PAFAH1B1: variants seen among roughly 807,000 people sequenced by gnomAD.
PAFAH1B1 encodes platelet-activating factor acetylhydrolase IB subunit beta.
Under a neutral mutation model 57.5 loss-of-function variants are expected in PAFAH1B1, and 2 were observed. The ratio of observed to expected loss-of-function variants is 0.03; its 90% CI spans 0.01 to 0.11. The LOEUF is 0.11. Ranked by LOEUF, PAFAH1B1 falls within the 10% of genes least tolerant of loss-of-function variation. The probability of loss-of-function intolerance (pLI) is 1.00; values close to 1 mark genes in which losing one functional copy is unlikely to be tolerated. For synonymous variants in PAFAH1B1, 152 were observed against 169.6 expected (o/e 0.90, Z 0.81); for missense variants, 257 against 512.0 (o/e 0.50, Z 4.81).
chr17:2,660,286 G>C (rs1169453312), intron 2 of PAFAH1B1, among the ~76,000 whole-genome samples: 1 of 151,816 alleles, frequency 6.6e-6, no homozygotes. Flanking sequence ...AGAATGTGCA[G>C]GTTTGTTACA....
chr17:2,678,265 G>A (rs1036808862), intron 9 of PAFAH1B1, among the ~76,000 whole-genome samples: 8 of 151,900 alleles, frequency 5.3e-5, no homozygotes, highest in Non-Finnish European at 7.4e-5. Flanking sequence ...GCCAGGCATG[G>A]TGGCACATGC....
chr17:2,646,951 G>T (rs2151641104), intron 2 of PAFAH1B1, among the ~76,000 whole-genome samples: 1 of 152,260 alleles, frequency 6.6e-6, no homozygotes, highest in African/African-American at 2.4e-5. Context: ...ACTGGGTGAG[G>T]CCAGGCATGG....
chr17:2,641,368 A>C (rs2068692592), intron 2 of PAFAH1B1: 1 of 152,190 alleles, frequency 6.6e-6, no homozygotes, highest in Non-Finnish European at 1.5e-5. Context: ...CATGTTGGCC[A>C]GGCTGGTCTT....
chr17:2,599,816 G>A (rs764283620), intron 1 of PAFAH1B1, among the ~76,000 whole-genome samples: 1 of 151,954 alleles, frequency 6.6e-6, no homozygotes, highest in Non-Finnish European at 1.5e-5. Context: ...GACAAGAATT[G>A]ACAGTTAACT....
At chr17:2,611,131 G>A (rs936006171) in intron 1 of PAFAH1B1, among the ~76,000 whole-genome samples, 2 of 152,128 alleles carry the variant, frequency 1.3e-5, no homozygotes, top group Admixed American at 6.6e-5. Context: ...AAGGTGGGTA[G>A]AGAATATTCT....
At chr17:2,613,022 T>C (rs1173119875) in intron 1 of PAFAH1B1, among the ~76,000 whole-genome samples, 1 of 145,526 alleles carries the variant, frequency 6.9e-6, no homozygotes, top group East Asian at 1.9e-4. Context: ...ATAAAATCCA[T>C]TTGATAAATT....
At chr17:2,655,010 T>C (rs2068918878) in intron 2 of PAFAH1B1, among the ~76,000 whole-genome samples, 1 of 150,104 alleles carries the variant, frequency 6.7e-6, no homozygotes, top group Non-Finnish European at 1.5e-5. Flanking sequence ...AATGGCATGA[T>C]CATAGCTCAT....
chr17:2,607,490 CTTT>C (rs984009285), intron 1 of PAFAH1B1, among the ~76,000 whole-genome samples: 1 of 143,626 alleles, frequency 7.0e-6, no homozygotes. Context: ...TTTTCTTTTT[CTTT>C]TTTTTTTTTG....
chr17:2,654,233 A>G (rs2068907002), intron 2 of PAFAH1B1, among the ~76,000 whole-genome samples: 1 of 144,970 alleles, frequency 6.9e-6, no homozygotes, highest in South Asian at 2.1e-4. Flanking sequence ...CTTATCGCCT[A>G]GGCTGAAGTG....
chr17:2,657,276 C>T (rs1450740467), intron 2 of PAFAH1B1, among the ~76,000 whole-genome samples: 1 of 152,206 alleles, frequency 6.6e-6, no homozygotes, highest in African/African-American at 2.4e-5. Context: ...AAGAGTCTCA[C>T]TGTGTCACCC....
intron 1 of PAFAH1B1, among the ~76,000 whole-genome samples, chr17:2,614,967 C>T (rs1000854253): frequency 1.3e-5 from 2 of 152,152 alleles, no homozygotes; most frequent in Non-Finnish European, 2.9e-5. Flanking sequence ...TCCTCACATT[C>T]CTTCCCACTA....
intron 2 of PAFAH1B1, among the ~76,000 whole-genome samples, chr17:2,656,486 C>G (rs1000556769): frequency 6.6e-6 from 1 of 151,496 alleles, no homozygotes; most frequent in Non-Finnish European, 1.5e-5. Flanking sequence ...GGGCCCGGGA[C>G]AAGTAAATGA....
At chr17:2,617,114 C>G (rs2068354358) in intron 1 of PAFAH1B1, among the ~76,000 whole-genome samples, 1 of 152,066 alleles carries the variant, frequency 6.6e-6, no homozygotes. Flanking sequence ...AACAGACATC[C>G]AGATATGACT....
At chr17:2,616,606 G>A (rs1330724676) in intron 1 of PAFAH1B1, among the ~76,000 whole-genome samples, 1 of 152,172 alleles carries the variant, frequency 6.6e-6, no homozygotes, top group Non-Finnish European at 1.5e-5. Context: ...CTCTGAGTCT[G>A]CTGACTTAAA....
chr17:2,606,440 A>G (rs1420434617), intron 1 of PAFAH1B1, among the ~76,000 whole-genome samples: 1 of 151,860 alleles, frequency 6.6e-6, no homozygotes, highest in East Asian at 1.9e-4. Context: ...ATCTTAGCTC[A>G]CTGCAACCTC....
chr17:2,633,469 G>A (rs1393200059), intron 1 of PAFAH1B1, among the ~76,000 whole-genome samples: 1 of 150,920 alleles, frequency 6.6e-6, no homozygotes, highest in Admixed American at 6.6e-5. Context: ...TGCCCAGCCA[G>A]GATTTCTTTT....
chr17:2,654,161 C>T (rs559639901), intron 2 of PAFAH1B1, among the ~76,000 whole-genome samples: 318 of 149,660 alleles, frequency 2.1e-3, no homozygotes, highest in Non-Finnish European at 2.8e-3. Flanking sequence ...ATCCAGCTTA[C>T]ATGTTGAGGT....
At chr17:2,677,241 T>C (rs2069284563) in intron 9 of PAFAH1B1, among the ~76,000 whole-genome samples, 1 of 152,228 alleles carries the variant, frequency 6.6e-6, no homozygotes, top group South Asian at 2.1e-4. Flanking sequence ...AAGATGTTTG[T>C]TTCTCTGTTT....
At chr17:2,607,334 C>A (rs1460676695) in intron 1 of PAFAH1B1, among the ~76,000 whole-genome samples, 1 of 151,702 alleles carries the variant, frequency 6.6e-6, no homozygotes, top group Non-Finnish European at 1.5e-5. Context: ...CCAGCGTGCC[C>A]GGCTGATTTT....
Sources: allele counts gnomAD v4.1 joint callset (sites outside exome capture counted in the v4.1 genomes callset), GRCh38; gene constraint gnomAD v4.1.1; transcripts MANE v1.5; gene names NCBI Gene and HGNC (gene_info 2026-07-23, HGNC 2026-07-21).